PALM2AKAP2: variants seen among roughly 807,000 people sequenced by gnomAD.
The protein encoded by PALM2AKAP2 is PALM2 and AKAP2 fusion, also known as PALM2-AKAP2 fusion protein.
Under a neutral mutation model 71.5 loss-of-function variants are expected in PALM2AKAP2, and 37 were observed. The observed-to-expected ratio is 0.52, with a 90% confidence interval of 0.40 to 0.68. The LOEUF (loss-of-function observed/expected upper bound fraction) is 0.68. PALM2AKAP2 is among the 30% of genes least tolerant of loss of function. PALM2AKAP2 has a pLI of 0.00. For synonymous variants in PALM2AKAP2, 468 were observed against 478.8 expected, an observed-to-expected ratio of 0.98 and a Z score of 0.29; for missense variants, 1,224 against 1,191.8, an observed-to-expected ratio of 1.03 and a Z score of -0.40.
intron 3 of PALM2AKAP2, among the ~76,000 whole-genome samples, chr9:110,157,485 A>C (rs1460543045): frequency 6.6e-6 from 1 of 151,876 alleles, no homozygotes; most frequent in East Asian, 1.9e-4. Context: ...TGCAGCCTCG[A>C]CCTCCTGGGT....
intron 1 of PALM2AKAP2, among the ~76,000 whole-genome samples, chr9:109,667,515 C>T (rs1827505175): frequency 1.3e-5 from 2 of 152,184 alleles, no homozygotes; most frequent in South Asian, 2.1e-4. Flanking sequence ...CCCAGCTGGG[C>T]GTGGTGGCTC....
intron 1 of PALM2AKAP2, among the ~76,000 whole-genome samples, chr9:109,686,208 A>T (rs562863162): frequency 6.6e-6 from 1 of 152,096 alleles, no homozygotes; most frequent in South Asian, 2.1e-4. Context: ...CCTCTTCCAA[A>T]CTCCCATTAA....
intron 6 of PALM2AKAP2, among the ~76,000 whole-genome samples, chr9:109,953,069 C>T (rs1333843090): frequency 6.6e-6 from 1 of 152,126 alleles, no homozygotes; most frequent in African/African-American, 2.4e-5. Flanking sequence ...GCTTTGGCCT[C>T]CTTTAGATTT....
chr9:109,994,684 A>G (rs1190243886), intron 6 of PALM2AKAP2, among the ~76,000 whole-genome samples: 3 of 152,084 alleles, frequency 2.0e-5, no homozygotes, highest in Non-Finnish European at 2.9e-5. Flanking sequence ...TGCTTTGGTC[A>G]TCTCTGTGTT....
At chr9:109,929,851 G>A (rs1190124346) in intron 5 of PALM2AKAP2, among the ~76,000 whole-genome samples, 40 of 121,968 alleles carry the variant, frequency 3.3e-4, no homozygotes, top group African/African-American at 1.2e-3. Flanking sequence ...GTGACAGAGT[G>A]AGACTCCATT....
chr9:109,805,075 G>T (rs1234656223), intron 1 of PALM2AKAP2, among the ~76,000 whole-genome samples: 1 of 152,104 alleles, frequency 6.6e-6, no homozygotes, highest in African/African-American at 2.4e-5. Flanking sequence ...TGTTTTTTAG[G>T]AGTACATTTG....
intron 1 of PALM2AKAP2, among the ~76,000 whole-genome samples, chr9:109,835,229 G>A (rs1828430197): frequency 7.0e-6 from 1 of 143,052 alleles, no homozygotes; most frequent in Non-Finnish European, 1.5e-5. Flanking sequence ...GGAAAGAGGA[G>A]AGGGTTTAGG....
At chr9:109,902,927 C>T (rs780367778) in intron 3 of PALM2AKAP2, among the ~76,000 whole-genome samples, 2 of 152,142 alleles carry the variant, frequency 1.3e-5, no homozygotes, top group Non-Finnish European at 2.9e-5. Flanking sequence ...CACTCAGTCC[C>T]ACAGATACCC....
chr9:109,644,892 G>A lies in PALM2AKAP2; in HGVS notation c.5+4026G>A, dbSNP rs573957972. ...CAGCCTGGATTTCATTGTCCATATC[G>A]TTATCAGCATTTTGGTCAAGGCCAT... On this transcript the variant is annotated intron_variant, in intron 1 of 6. Transcript: ENST00000374531. Among the ~76,000 whole-genome samples the A allele has an allele frequency of 9.9e-5, 15 of 152,184 alleles. No individual in the cohort carries two copies. The South Asian group carries it at 2.3e-3, about 23-fold the overall frequency.
chr9:109,733,572 G>A (rs924214743), intron 1 of PALM2AKAP2, among the ~76,000 whole-genome samples: 1 of 152,150 alleles, frequency 6.6e-6, no homozygotes, highest in Admixed American at 6.5e-5. Flanking sequence ...TGTGTGTAGG[G>A]CCATCTCCTT....
At position 109,986,523 on chromosome 9, in the gene PALM2AKAP2, A is replaced by G. The variant is rs561802863; in HGVS notation, c.497-29431A>G. Among the ~76,000 whole-genome samples, 5 of 152,342 alleles carry G rather than the reference A, an allele frequency of 3.3e-5. No homozygotes were observed. In the South Asian group the frequency reaches 1.0e-3, roughly 32 times the overall value. On this transcript the variant is annotated intron_variant, in intron 6 of 9. Coordinates refer to the PALM2AKAP2 transcript ENST00000302798. The stretch of plus-strand genomic sequence containing the variant: ...TTTCTCAACATTTTCTCTGATTTTC[A>G]GGCAGATGCAAATAGAATTTTCAGT...
Position 109,701,763 on chromosome 9 carries a change from G to T in PALM2AKAP2, c.5+60897G>T, listed in dbSNP as rs182529995. The stretch of plus-strand genomic sequence containing the variant: ...ACAAATGGGATCTAATTAAACTAAA[G>T]AGCTTCTGCACGGCAAAAGAAACTA... On this transcript the variant is annotated intron_variant, in intron 1 of 6. Coordinates refer to the PALM2AKAP2 transcript ENST00000374531. Among the ~76,000 whole-genome samples the T allele has an allele frequency of 7.8e-4, 119 of 152,314 alleles. No individual in the cohort carries two copies. The East Asian group carries it at 0.014, about 18-fold the overall frequency.
At chr9:110,096,415 C>G (rs1193622718) in intron 1 of PALM2AKAP2, among the ~76,000 whole-genome samples, 2 of 107,408 alleles carry the variant, frequency 1.9e-5, no homozygotes, top group Non-Finnish European at 3.7e-5. Context: ...AGGAATGCAC[C>G]ATTATGCCTG....
intron 2 of PALM2AKAP2, among the ~76,000 whole-genome samples, chr9:110,139,920 A>G (rs1179684315): frequency 3.9e-5 from 6 of 152,160 alleles, no homozygotes; most frequent in Non-Finnish European, 8.8e-5. Context: ...CTGTGTTCTC[A>G]CTGTATCCAA....
intron 1 of PALM2AKAP2, among the ~76,000 whole-genome samples, chr9:109,841,280 A>T (rs1587950231): frequency 7.4e-6 from 1 of 135,498 alleles, no homozygotes; most frequent in African/African-American, 2.8e-5. Flanking sequence ...AAAACCAAAC[A>T]CCGCATGTTC....
intron 6 of PALM2AKAP2, among the ~76,000 whole-genome samples, chr9:110,008,502 C>A (rs1398622249): frequency 6.6e-6 from 1 of 151,880 alleles, no homozygotes; most frequent in African/African-American, 2.4e-5. Flanking sequence ...GGAGAAAAAA[C>A]TTAAATGGCA....
chr9:109,889,295 A>G lies in PALM2AKAP2; in HGVS notation c.257+8614A>G, dbSNP rs193187954. Among the ~76,000 whole-genome samples, 9 of 152,354 alleles carry G rather than the reference A, an allele frequency of 5.9e-5. No homozygotes were observed. In the East Asian group the frequency reaches 1.2e-3, roughly 20 times the overall value. Reference sequence around the variant, plus strand: ...TCATAAAACCATGGAATCTTAGAGTATGCATAACTGACATGTTATGCGGAT... The same window carrying G: ...TCATAAAACCATGGAATCTTAGAGTGTGCATAACTGACATGTTATGCGGAT... On this transcript the variant is annotated intron_variant, in intron 3 of 9. Transcript: ENST00000302798.
At chr9:109,993,952 C>T (rs961932562) in intron 6 of PALM2AKAP2, among the ~76,000 whole-genome samples, 8 of 152,102 alleles carry the variant, frequency 5.3e-5, no homozygotes, top group African/African-American at 1.7e-4. Flanking sequence ...TTTCTCCTTT[C>T]TTTTTCCTCC....
chr9:109,867,559 G>A (rs370554878), exon 2 of PALM2AKAP2: 1 of 1,612,522 alleles, frequency 6.2e-7, no homozygotes. Flanking sequence ...TACTTCTGCT[G>A]CAGCATTCCA....
Sources: allele counts gnomAD v4.1 joint callset (sites outside exome capture counted in the v4.1 genomes callset), GRCh38; gene constraint gnomAD v4.1.1; transcripts MANE v1.5; gene names NCBI Gene and HGNC (gene_info 2026-07-23, HGNC 2026-07-21).